Variants in CUX2 observed in about 807,000 individuals in gnomAD.
CUX2 encodes homeobox protein cut-like 2.
A neutral mutation model predicts 144.8 loss-of-function variants in CUX2; 40 were observed. The observed-to-expected ratio is 0.28, with a 90% confidence interval of 0.21 to 0.36. The LOEUF (loss-of-function observed/expected upper bound fraction) is 0.36. CUX2 is among the 10% of genes least tolerant of loss of function. The pLI, the probability that CUX2 is intolerant of heterozygous loss-of-function variation, is 1.00. For missense variants in CUX2, 1,615 were observed against 1,994.0 expected (o/e 0.81, Z 3.62); for synonymous variants, 827 against 875.6 (o/e 0.94, Z 0.98).
At chr12:111,089,883 G>A (rs1375001378) in intron 1 of CUX2, among the ~76,000 whole-genome samples, 1 of 152,224 alleles carries the variant, frequency 6.6e-6, no homozygotes, top group Non-Finnish European at 1.5e-5. Context: ...GCAGGCTGGT[G>A]GCCTTTCAGG....
chr12:111,131,406 A>G (rs1875469816), intron 1 of CUX2, among the ~76,000 whole-genome samples: 1 of 152,128 alleles, frequency 6.6e-6, no homozygotes, highest in Admixed American at 6.5e-5. Context: ...CAGCCAAACC[A>G]TATCTTTCCA....
intron 1 of CUX2, among the ~76,000 whole-genome samples, chr12:111,204,677 A>G (rs1269632408): frequency 6.6e-6 from 1 of 152,156 alleles, no homozygotes; most frequent in Non-Finnish European, 1.5e-5. Flanking sequence ...CTGCATCCTA[A>G]GACCCTTCAT....
chr12:111,090,560 C>T (rs189850171), intron 1 of CUX2, among the ~76,000 whole-genome samples: 32 of 152,206 alleles, frequency 2.1e-4, no homozygotes, highest in African/African-American at 6.3e-4. Context: ...CCACTGCGCC[C>T]GGCCTGCGAT....
In CUX2 at chr12:111,160,279, T is replaced by C. The variant is rs1392777471; in HGVS notation, c.64-53921T>C. ...CAGCATGCCATGGTTTGGAGGGCTA[T>C]TAAATGGACCCCCTAAGGCTGAGGA... On this transcript the variant is annotated intron_variant, in intron 1 of 21. Coordinates refer to ENST00000261726, the MANE Select transcript of CUX2 (RefSeq NM_015267.4). This position sits in a 1 kb window ranked among gnomAD's most constrained non-coding sequence, Gnocchi z 4.1. Among the ~76,000 whole-genome samples, 1 of 152,160 alleles carries C rather than the reference T, an allele frequency of 6.6e-6. No homozygotes were observed. Among genetic ancestry groups the C allele is most frequent in the African/African-American group, 2.4e-5 (1 of 41,432 alleles).
At chr12:111,202,392 G>A (rs1232440908) in intron 1 of CUX2, among the ~76,000 whole-genome samples, 1 of 151,580 alleles carries the variant, frequency 6.6e-6, no homozygotes, top group Non-Finnish European at 1.5e-5. Context: ...TCTGGTTTTC[G>A]GGGCTTGCCG....
rs996100199 is a variant in CUX2, at chr12:111,034,880, G to C, written c.63+640G>C. Among the ~76,000 whole-genome samples the C allele has an allele frequency of 7.3e-5, 11 of 149,892 alleles. No homozygotes were observed. The highest frequency in any genetic ancestry group is 1.2e-4 in the African/African-American group (5 of 41,108). The stretch of plus-strand genomic sequence containing the variant: ...CCGGGGGCCGCCGCCGCCGCCGCCA[G>C]AGCCGCCGCCGCCGGACTGGCCGCA... On this transcript the variant is annotated intron_variant, in intron 1 of 21. Transcript: ENST00000261726. This position sits in a 1 kb window ranked among gnomAD's most constrained non-coding sequence, Gnocchi z 4.2.
chr12:111,233,980 G>A (rs541491311), intron 3 of CUX2, among the ~76,000 whole-genome samples: 2 of 151,982 alleles, frequency 1.3e-5, no homozygotes, highest in Non-Finnish European at 2.9e-5. Flanking sequence ...AGGAAAACAT[G>A]ATGGCCCTCC....
intron 8 of CUX2, 27 bp downstream of exon 8, chr12:111,296,566 T>A: frequency 1.9e-6 from 3 of 1,597,394 alleles, no homozygotes; most frequent in Non-Finnish European, 2.6e-6. Context: ...GAGGTGTACC[T>A]CCTCCCTTGG....
chr12:111,080,303 C>T (rs960460709), intron 1 of CUX2, among the ~76,000 whole-genome samples: 2 of 152,168 alleles, frequency 1.3e-5, no homozygotes, highest in East Asian at 1.9e-4. Context: ...TATTTTCTTT[C>T]TTCCTTAGCA....
Position 111,255,490 on chromosome 12 carries a change from A to C in CUX2, c.223-8271A>C, listed in dbSNP as rs1038314553. ...CCTCCTGGCCTCCCGTCCCCCACCT[A>C]CCTGCCGGCCTGGCTCCTCCAGCTC... On this transcript the variant is annotated intron_variant, in intron 3 of 21. Coordinates refer to ENST00000261726, the MANE Select transcript of CUX2 (RefSeq NM_015267.4). The surrounding 1 kb of genome is among the most constrained non-coding windows in gnomAD (Gnocchi z 4.1). Among the ~76,000 whole-genome samples, 3 of 152,068 alleles carry C rather than the reference A, an allele frequency of 2.0e-5. No individual in the cohort carries two copies. The highest frequency in any genetic ancestry group is 7.2e-5 in the African/African-American group (3 of 41,408).
At chr12:111,282,937 G>A (rs1022877059) in intron 4 of CUX2, among the ~76,000 whole-genome samples, 47 of 152,128 alleles carry the variant, frequency 3.1e-4, no homozygotes, top group Non-Finnish European at 1.3e-4. Context: ...CATAGGTCGG[G>A]TGTGGTGGCT....
In CUX2 at chr12:111,341,701, C is replaced by T. The variant is rs934829588; in HGVS notation, c.3386-79C>T. ...CGAGTGGGCCTGACAGATGCACTCC[C>T]ACCATGGAACTCCTGCTGGCCAGGA... On this transcript the variant is annotated intron_variant, in intron 20 of 21. Transcript: ENST00000261726. The T allele has an allele frequency of 4.7e-6, 7 of 1,484,626 alleles. No homozygotes were observed. In the Admixed American group the frequency reaches 1.5e-4, roughly 32 times the overall value. The allele number at this position is 1,484,626 out of a possible 1,614,324, so 92.0% of individuals were successfully genotyped here.
At chr12:111,138,785 C>T (rs986149352) in intron 1 of CUX2, among the ~76,000 whole-genome samples, 3 of 152,112 alleles carry the variant, frequency 2.0e-5, no homozygotes, top group Non-Finnish European at 4.4e-5. Flanking sequence ...CAGCCCACAG[C>T]CCCTGAGTGA....
chr12:111,203,294 C>T (rs556073720), intron 1 of CUX2, among the ~76,000 whole-genome samples: 126 of 150,340 alleles, frequency 8.4e-4, no homozygotes, highest in Non-Finnish European at 1.6e-3. Flanking sequence ...CCTGTAATCC[C>T]AGCACTTCAG....
chr12:111,105,172 C>T (rs775879327), intron 1 of CUX2, among the ~76,000 whole-genome samples: 8 of 152,320 alleles, frequency 5.3e-5, no homozygotes, highest in Non-Finnish European at 8.8e-5. Context: ...GGGTAGTGAC[C>T]TTCACTGCTT....
chr12:111,123,492 G>A (rs1449268602), intron 1 of CUX2, among the ~76,000 whole-genome samples: 2 of 145,474 alleles, frequency 1.4e-5, no homozygotes, highest in African/African-American at 5.1e-5. Flanking sequence ...CCATTACCAG[G>A]CACTTTGTAT....
chr12:111,054,996 C>T (rs1870451999), intron 1 of CUX2, among the ~76,000 whole-genome samples: 1 of 152,222 alleles, frequency 6.6e-6, no homozygotes, highest in Admixed American at 6.5e-5. Context: ...GTGACTTGTG[C>T]AAGGCCACAC....
rs899843450 is a variant in CUX2 at position 111,160,726 on chromosome 12, G to A, written c.64-53474G>A. On this transcript the variant is annotated intron_variant, in intron 1 of 21. Coordinates refer to ENST00000261726, the MANE Select transcript of CUX2 (RefSeq NM_015267.4). This position sits in a 1 kb window ranked among gnomAD's most constrained non-coding sequence, Gnocchi z 4.1. ...TGGAACAGCACCGTGGGGGGCAGGC[G>A]GTGGCCTGGAGGAGGAGGCTTGGTG... Among the ~76,000 whole-genome samples, 4 of 152,140 alleles carry A rather than the reference G, an allele frequency of 2.6e-5. No homozygotes were observed. Among genetic ancestry groups the A allele is most frequent in the Admixed American group, 6.5e-5 (1 of 15,276 alleles).
intron 1 of CUX2, among the ~76,000 whole-genome samples, chr12:111,110,346 G>A (rs1171254656): frequency 6.6e-6 from 1 of 152,138 alleles, no homozygotes; most frequent in Non-Finnish European, 1.5e-5. Context: ...AGCATCTTAG[G>A]TTTGAGGGGT....
Sources: allele counts gnomAD v4.1 joint callset (sites outside exome capture counted in the v4.1 genomes callset), GRCh38; gene constraint gnomAD v4.1.1; non-coding constraint Gnocchi (gnomAD v3.1); transcripts MANE v1.5; gene names NCBI Gene and HGNC (gene_info 2026-07-23, HGNC 2026-07-21).